The following COLEC12 variants were observed in gnomAD, a reference collection of about 807,000 sequenced individuals.
COLEC12 encodes collectin-12.
A neutral mutation model predicts 71.1 loss-of-function variants in COLEC12; 33 were observed. The observed-to-expected ratio is 0.46, with a 90% CI of 0.35 to 0.62. The LOEUF (loss-of-function observed/expected upper bound fraction) is 0.62. COLEC12 is among the 20% of genes least tolerant of loss of function. The pLI is 0.00. For missense variants in COLEC12, 765 were observed against 916.1 expected (o/e 0.84, Z 2.13); for synonymous variants, 350 against 353.0 (o/e 0.99, Z 0.10).
chr18:350,038 G>A (rs150547177), intron 3 of COLEC12, among the ~76,000 whole-genome samples: 1 of 152,270 alleles, frequency 6.6e-6, no homozygotes, highest in Non-Finnish European at 1.5e-5. Flanking sequence ...GGGACTGTTG[G>A]GAAGGCATGA....
intron 2 of COLEC12, among the ~76,000 whole-genome samples, chr18:420,363 C>A (rs1238036399): frequency 1.3e-5 from 2 of 152,124 alleles, no homozygotes; most frequent in Non-Finnish European, 2.9e-5. Flanking sequence ...GCTATAGCTG[C>A]AGTGAGAAAT....
chr18:475,293 A>ATTTCC (rs1917283385), intron 2 of COLEC12, among the ~76,000 whole-genome samples: 1 of 152,114 alleles, frequency 6.6e-6, no homozygotes, highest in Non-Finnish European at 1.5e-5. Flanking sequence ...TGCCTCTGGA[A>ATTTCC]GGACAGCCTC....
At chr18:355,258 C>A (rs950453658) in intron 3 of COLEC12, among the ~76,000 whole-genome samples, 1 of 152,108 alleles carries the variant, frequency 6.6e-6, no homozygotes, top group Non-Finnish European at 1.5e-5. Flanking sequence ...CACAGTGTGA[C>A]AGGGGCTAAG....
chr18:487,056 G>C (rs1917532696), intron 1 of COLEC12, among the ~76,000 whole-genome samples: 1 of 152,160 alleles, frequency 6.6e-6, no homozygotes, highest in Non-Finnish European at 1.5e-5. Flanking sequence ...AGCAAAAAAA[G>C]GGGGGGAGAC....
At chr18:458,613 T>C (rs1177452852) in intron 2 of COLEC12, among the ~76,000 whole-genome samples, 1 of 152,256 alleles carries the variant, frequency 6.6e-6, no homozygotes, top group Non-Finnish European at 1.5e-5. Context: ...GACCCCCTGA[T>C]GGGGTAGCTT....
chr18:424,594 T>C (rs958306326), intron 2 of COLEC12, among the ~76,000 whole-genome samples: 1 of 152,146 alleles, frequency 6.6e-6, no homozygotes, highest in Non-Finnish European at 1.5e-5. Flanking sequence ...TCAGTGTCCT[T>C]TACTATTTTC....
At chr18:398,344 G>A (rs1401722178) in intron 2 of COLEC12, among the ~76,000 whole-genome samples, 2 of 152,140 alleles carry the variant, frequency 1.3e-5, no homozygotes, top group Admixed American at 6.6e-5. Context: ...AGAATTTTGT[G>A]ACTTTATCCA....
chr18:335,380 G>A lies in COLEC12; in HGVS notation c.1328-150C>T, dbSNP rs1242199450. On this transcript the variant is annotated intron_variant, in intron 5 of 9. Coordinates refer to ENST00000400256, the MANE Select transcript of COLEC12 (RefSeq NM_130386.3). ...AAGACCATCTGTTTATCATACTACT[G>A]TAGACTGTTATGGGCTAAATTATGT... 1.5e-5 allele frequency: 13 copies of A among 842,066 alleles called. No individual in the cohort carries two copies. In the East Asian group the frequency reaches 3.3e-4, roughly 22 times the overall value. 52.2% of individuals were successfully genotyped at this position (842,066 alleles called of 1,614,324 possible).
chr18:444,686 C>T (rs1033397436), intron 2 of COLEC12, among the ~76,000 whole-genome samples: 2 of 151,926 alleles, frequency 1.3e-5, no homozygotes, highest in African/African-American at 4.8e-5. Flanking sequence ...AAAATATAGG[C>T]GCGAAAACAA....
At chr18:364,727 A>T (rs1007444992) in intron 2 of COLEC12, among the ~76,000 whole-genome samples, 2 of 152,228 alleles carry the variant, frequency 1.3e-5, no homozygotes, top group Admixed American at 6.5e-5. Flanking sequence ...TGAGTGGGTG[A>T]GAGTTTGCTA....
At chr18:385,558 C>T (rs1267603330) in intron 2 of COLEC12, among the ~76,000 whole-genome samples, 3 of 152,028 alleles carry the variant, frequency 2.0e-5, no homozygotes, top group African/African-American at 7.2e-5. Context: ...CTCCTGACCT[C>T]GTGATCCACC....
Position 435,872 on chromosome 18 carries a change from T to A in COLEC12, c.58+44835A>T, listed in dbSNP as rs1281424097. The stretch of plus-strand genomic sequence containing the variant: ...TGAAGAATTTCCTGGAACTTTACAC[T>A]CTTATTTCTGATGACAACAGAAATT... On this transcript the variant is annotated intron_variant, in intron 2 of 9. Transcript: ENST00000400256. Among the ~76,000 whole-genome samples, 7 of 152,194 alleles carry A rather than the reference T, an allele frequency of 4.6e-5. No homozygotes were observed. The East Asian group carries it at 1.3e-3, about 29-fold the overall frequency.
At position 499,383 on chromosome 18, in the gene COLEC12, C is replaced by T. The variant is rs1468044604; in HGVS notation, c.7+1125G>A. 2.0e-5 allele frequency among the ~76,000 whole-genome samples: 3 copies of T among 152,196 alleles called. 1 individual carries two copies. Among genetic ancestry groups the T allele is most frequent in the African/African-American group, 7.2e-5 (3 of 41,452 alleles). On this transcript the variant is annotated intron_variant, in intron 1 of 9. Coordinates refer to ENST00000400256, the MANE Select transcript of COLEC12 (RefSeq NM_130386.3). Reference sequence around the variant, plus strand: ...GTGAATTGGTAGGATATCATCGCTCCGGTTAGTTCCGCGGGAGCTGCCCTT... The same window carrying T: ...GTGAATTGGTAGGATATCATCGCTCTGGTTAGTTCCGCGGGAGCTGCCCTT...
chr18:462,682 A>C (rs1037776119), intron 2 of COLEC12, among the ~76,000 whole-genome samples: 1 of 152,230 alleles, frequency 6.6e-6, no homozygotes, highest in South Asian at 2.1e-4. Flanking sequence ...TACATAAATT[A>C]TATCTCTATA....
intron 1 of COLEC12, among the ~76,000 whole-genome samples, chr18:494,213 G>A (rs1917669400): frequency 6.6e-6 from 1 of 152,056 alleles, no homozygotes; most frequent in Admixed American, 6.5e-5. Flanking sequence ...CTATCCCTGA[G>A]GTCTGTTTTA....
rs527814044 is a variant in COLEC12 at position 488,014 on chromosome 18, A to G, written c.8-7257T>C. Among the ~76,000 whole-genome samples the G allele has an allele frequency of 2.6e-5, 4 of 152,390 alleles. No homozygotes were observed. The South Asian group carries it at 8.3e-4, about 32-fold the overall frequency. On this transcript the variant is annotated intron_variant, in intron 1 of 9. Coordinates refer to ENST00000400256, the MANE Select transcript of COLEC12 (RefSeq NM_130386.3). ...AATTGAGAGGAAATCTACATTATGC[A>G]GGAAAATTAATACCTCAGAAAAAAA...
rs1303057235 is a variant in COLEC12, at chr18:399,438, C to T, written c.59-41916G>A. Among the ~76,000 whole-genome samples, 1 of 152,226 alleles carries T rather than the reference C, an allele frequency of 6.6e-6. No homozygotes were observed. The highest frequency in any genetic ancestry group is 1.9e-4 in the East Asian group (1 of 5,194). On this transcript the variant is annotated intron_variant, in intron 2 of 9. Transcript: ENST00000400256. The surrounding 1 kb of genome is among the most constrained non-coding windows in gnomAD (Gnocchi z 4.0). ...CCTGATAGCTGGAATCCTTCCTTGT[C>T]AAACCAGCTCCAAGAGCAGGCCACA...
intron 2 of COLEC12, among the ~76,000 whole-genome samples, chr18:431,918 CA>C (rs1567906211): frequency 2.6e-5 from 4 of 152,154 alleles, no homozygotes; most frequent in Non-Finnish European, 5.9e-5. Context: ...CTAACTCTTA[CA>C]AAAACCCAAA....
At chr18:439,858 C>T (rs938079732) in intron 2 of COLEC12, among the ~76,000 whole-genome samples, 1 of 152,108 alleles carries the variant, frequency 6.6e-6, no homozygotes, top group African/African-American at 2.4e-5. Context: ...CCAAAGGAAA[C>T]AAAATCAGTA....
Sources: gnomAD v4.1 joint callset for allele counts (sites outside exome capture counted in the v4.1 genomes callset) on GRCh38, gnomAD v4.1.1 for gene constraint, Gnocchi (gnomAD v3.1) non-coding constraint, MANE v1.5 for transcripts, NCBI Gene and HGNC (gene_info 2026-07-23, HGNC 2026-07-21) for gene names.